Variants in SPAG16 observed in about 807,000 individuals in gnomAD.
SPAG16 encodes sperm associated antigen 16.
SPAG16 carries 86 observed loss-of-function variants against 80.4 expected under a neutral mutation model. That is an observed-to-expected ratio of 1.07 (90% confidence interval 0.90 to 1.28). The LOEUF (loss-of-function observed/expected upper bound fraction) is 1.28, where lower values mean the gene tolerates loss of function less well. Ranked by LOEUF, SPAG16 falls within the 50% of genes most tolerant of loss-of-function variation. The probability of loss-of-function intolerance (pLI) is 0.00; values close to 1 mark genes in which losing one functional copy is unlikely to be tolerated. For missense variants in SPAG16, 870 were observed against 765.3 expected (o/e 1.14, Z -1.61); for synonymous variants, 294 against 265.9 (o/e 1.11, Z -1.03).
intron 10 of SPAG16, among the ~76,000 whole-genome samples, chr2:213,819,970 G>A (rs568761529): frequency 8.8e-4 from 131 of 149,632 alleles, no homozygotes; most frequent in Admixed American, 3.6e-3. Context: ...GTAGAGACGG[G>A]TTTTGCCATG....
intron 1 of SPAG16, among the ~76,000 whole-genome samples, chr2:213,290,967 C>T: frequency 6.6e-6 from 1 of 152,136 alleles, no homozygotes; most frequent in Middle Eastern, 3.2e-3. Context: ...TTTATGAGAA[C>T]CCAAGAATGT....
intron 12 of SPAG16, among the ~76,000 whole-genome samples, chr2:214,010,624 C>T (rs2047238843): frequency 6.8e-6 from 1 of 146,640 alleles, no homozygotes; most frequent in Non-Finnish European, 1.5e-5. Flanking sequence ...AATTGTTTCT[C>T]CACAAACATT....
At chr2:213,873,010 T>G (rs1344050384) in intron 11 of SPAG16, among the ~76,000 whole-genome samples, 1 of 152,090 alleles carries the variant, frequency 6.6e-6, no homozygotes, top group East Asian at 1.9e-4. Flanking sequence ...TTTTTATCTG[T>G]ATTAATAAGA....
At chr2:213,518,850 A>G (rs1235550206) in intron 10 of SPAG16, among the ~76,000 whole-genome samples, 1 of 152,246 alleles carries the variant, frequency 6.6e-6, no homozygotes, top group Non-Finnish European at 1.5e-5. Flanking sequence ...GACTGGATAA[A>G]GCAAATATTA....
At chr2:213,647,718 C>A (rs759803376) in intron 10 of SPAG16, among the ~76,000 whole-genome samples, 1 of 152,314 alleles carries the variant, frequency 6.6e-6, no homozygotes, top group Admixed American at 6.5e-5. Flanking sequence ...CTTTTCCAAT[C>A]TCTGTAGGTC....
At chr2:214,031,281 C>T (rs2048394058) in intron 13 of SPAG16, among the ~76,000 whole-genome samples, 1 of 151,274 alleles carries the variant, frequency 6.6e-6, no homozygotes, top group South Asian at 2.1e-4. Flanking sequence ...AGTTCATGTC[C>T]TTTGTAGGGA....
chr2:214,123,910 A>G (rs1026485404), intron 14 of SPAG16, among the ~76,000 whole-genome samples: 2 of 152,084 alleles, frequency 1.3e-5, no homozygotes, highest in African/African-American at 4.8e-5. Context: ...TGAATCATAT[A>G]GATAACTGAT....
intron 10 of SPAG16, among the ~76,000 whole-genome samples, chr2:213,755,580 A>C (rs968563357): frequency 6.6e-6 from 1 of 152,128 alleles, no homozygotes; most frequent in African/African-American, 2.4e-5. Flanking sequence ...TTTCATTTTA[A>C]TGTGTTTCAT....
intron 5 of SPAG16, among the ~76,000 whole-genome samples, chr2:213,336,763 G>T (rs961747848): frequency 1.3e-5 from 2 of 152,194 alleles, no homozygotes; most frequent in African/African-American, 2.4e-5. Context: ...ACTAGGAGGG[G>T]CAGCTACGGT....
At chr2:213,613,912 C>T (rs770806618) in intron 10 of SPAG16, among the ~76,000 whole-genome samples, 19 of 152,152 alleles carry the variant, frequency 1.2e-4, no homozygotes, top group Non-Finnish European at 2.6e-4. Flanking sequence ...GTACTTATCT[C>T]AAAGGTTTCA....
At chr2:214,111,689 G>A (rs1251067027) in intron 14 of SPAG16, among the ~76,000 whole-genome samples, 1 of 152,098 alleles carries the variant, frequency 6.6e-6, no homozygotes, top group African/African-American at 2.4e-5. Flanking sequence ...GCTTGATGGG[G>A]ACGGCATTGA....
At chr2:214,252,238 T>C (rs1365602481) in intron 15 of SPAG16, among the ~76,000 whole-genome samples, 1 of 152,114 alleles carries the variant, frequency 6.6e-6, no homozygotes, top group Non-Finnish European at 1.5e-5. Flanking sequence ...TGTTGACATT[T>C]TGTGAAATAG....
intron 9 of SPAG16, among the ~76,000 whole-genome samples, chr2:213,481,640 G>C (rs2073755438): frequency 6.6e-6 from 1 of 152,180 alleles, no homozygotes; most frequent in African/African-American, 2.4e-5. Context: ...CAACCAGTAT[G>C]GCTTCCAAAG....
chr2:214,056,280 T>TACACACACAC (rs60247479), intron 13 of SPAG16, among the ~76,000 whole-genome samples: 37 of 144,668 alleles, frequency 2.6e-4, no homozygotes, highest in African/African-American at 8.4e-4. Context: ...GTAGTAGAAA[T>TACACACACAC]ACACACACAC....
intron 15 of SPAG16, among the ~76,000 whole-genome samples, chr2:214,256,102 C>G (rs1397645668): frequency 1.3e-5 from 2 of 151,918 alleles, no homozygotes; most frequent in African/African-American, 4.8e-5. Context: ...CACATCCTCA[C>G]CATCATTTGG....
At chr2:213,932,330 C>T (rs1050769509) in intron 12 of SPAG16, among the ~76,000 whole-genome samples, 5 of 151,492 alleles carry the variant, frequency 3.3e-5, no homozygotes, top group African/African-American at 9.7e-5. Flanking sequence ...GTTAACCTGC[C>T]TCAGCCTCCC....
At chr2:213,614,988 A>G (rs767764514) in intron 10 of SPAG16, among the ~76,000 whole-genome samples, 2 of 152,230 alleles carry the variant, frequency 1.3e-5, no homozygotes, top group Non-Finnish European at 2.9e-5. Context: ...ATACATTTAC[A>G]TTAATTCTTA....
chr2:213,910,767 C>T (rs575368586), intron 11 of SPAG16, among the ~76,000 whole-genome samples: 371 of 29,992 alleles, frequency 0.012, 89 homozygotes, highest in African/African-American at 0.02. Flanking sequence ...GGATTACAGG[C>T]GTGAGCCACC....
intron 9 of SPAG16, among the ~76,000 whole-genome samples, chr2:213,451,727 G>A (rs1043790051): frequency 6.6e-6 from 1 of 152,126 alleles, no homozygotes; most frequent in African/African-American, 2.4e-5. Flanking sequence ...TCTTATCTCC[G>A]TGGGGCCTGA....
Sources: allele counts gnomAD v4.1 joint callset (sites outside exome capture counted in the v4.1 genomes callset), GRCh38; gene constraint gnomAD v4.1.1; transcripts MANE v1.5; gene names NCBI Gene and HGNC (gene_info 2026-07-23, HGNC 2026-07-21).